Variants in BNC2 observed in about 807,000 individuals in gnomAD.
BNC2 encodes the protein zinc finger protein basonuclin-2.
BNC2 carries 20 observed loss-of-function variants against 76.3 expected under a neutral mutation model. The observed-to-expected ratio is 0.26, with a 90% CI of 0.18 to 0.38. BNC2 has a LOEUF of 0.38. Among genes scored for constraint, BNC2 ranks in the 10% least tolerant of loss-of-function variants. The pLI, the probability that BNC2 is intolerant of heterozygous loss-of-function variation, is 1.00. For synonymous variants in BNC2, 582 were observed against 514.8 expected, an observed-to-expected ratio of 1.13 and a Z score of -1.77; for missense variants, 1,382 against 1,399.8, an observed-to-expected ratio of 0.99 and a Z score of 0.20.
chr9:16,787,840 C>A (rs571518407), intron 1 of BNC2, among the ~76,000 whole-genome samples: 45 of 152,276 alleles, frequency 3.0e-4, no homozygotes, highest in Admixed American at 9.2e-4. Context: ...CATGAGCCAA[C>A]GCGCCCTGCC....
intron 3 of BNC2, among the ~76,000 whole-genome samples, chr9:16,586,316 T>G (rs1347869872): frequency 1.3e-5 from 2 of 152,142 alleles, no homozygotes; most frequent in East Asian, 3.9e-4. Context: ...TAATTATTCC[T>G]TCTGCTTACC....
At chr9:16,777,477 G>A (rs1269473106) in intron 1 of BNC2, among the ~76,000 whole-genome samples, 1 of 152,120 alleles carries the variant, frequency 6.6e-6, no homozygotes, top group African/African-American at 2.4e-5. Flanking sequence ...GAGGCAGGCA[G>A]ATCACGAGGT....
chr9:16,629,981 T>A (rs866090049), intron 3 of BNC2, among the ~76,000 whole-genome samples: 2 of 152,216 alleles, frequency 1.3e-5, no homozygotes, highest in Non-Finnish European at 2.9e-5. Flanking sequence ...CTCTGTAGCA[T>A]TGATGCTTTG....
chr9:16,694,791 C>G (rs558713447), intron 3 of BNC2, among the ~76,000 whole-genome samples: 1 of 152,240 alleles, frequency 6.6e-6, no homozygotes, highest in South Asian at 2.1e-4. Context: ...ACACAATCCC[C>G]CCTCCAAGCC....
At chr9:16,859,216 G>A (rs1417367533) in intron 1 of BNC2, among the ~76,000 whole-genome samples, 1 of 152,004 alleles carries the variant, frequency 6.6e-6, no homozygotes, top group Admixed American at 6.6e-5. Context: ...AAGCTGTGAG[G>A]TTGTAGAGAA....
rs1820560340 is a variant in BNC2 at position 16,415,239 on chromosome 9, T to G, written c.*3750A>C. The G allele has an allele frequency of 6.6e-6, 1 of 152,584 alleles. No individual in the cohort carries two copies. Among genetic ancestry groups the G allele is most frequent in the African/African-American group, 2.4e-5 (1 of 41,472 alleles). 9.5% of individuals were successfully genotyped at this position (152,584 alleles called of 1,614,324 possible). On this transcript the variant is annotated 3_prime_UTR_variant, in exon 7 of 7. Coordinates refer to ENST00000380672, the MANE Select transcript of BNC2 (RefSeq NM_017637.6). ...AGAATGCCAAGGATTTTTATCACAC[T>G]TTTAAACCAAATTCCTCATTATCTA...
intron 1 of BNC2, among the ~76,000 whole-genome samples, chr9:16,761,159 G>T (rs1161306644): frequency 6.6e-6 from 1 of 152,054 alleles, no homozygotes; most frequent in Non-Finnish European, 1.5e-5. Context: ...AAGGCAGGAA[G>T]CTCACTTGAG....
At chr9:16,668,105 G>A (rs554420084) in intron 3 of BNC2, among the ~76,000 whole-genome samples, 7 of 152,288 alleles carry the variant, frequency 4.6e-5, no homozygotes, top group Non-Finnish European at 8.8e-5. Flanking sequence ...CACATTTAGC[G>A]AAGCTCCCAT....
At chr9:16,798,439 A>T (rs948633628) in intron 1 of BNC2, among the ~76,000 whole-genome samples, 2 of 152,224 alleles carry the variant, frequency 1.3e-5, no homozygotes, top group Admixed American at 1.3e-4. Context: ...ACCCTAAAGG[A>T]AAATATTATT....
intron 5 of BNC2, among the ~76,000 whole-genome samples, chr9:16,440,358 C>G (rs1435564329): frequency 6.6e-6 from 1 of 152,164 alleles, no homozygotes; most frequent in Non-Finnish European, 1.5e-5. Context: ...CTGAGGAAGT[C>G]TTTCTCTAGA....
At chr9:16,599,816 C>T (rs1820195941) in intron 3 of BNC2, among the ~76,000 whole-genome samples, 1 of 152,172 alleles carries the variant, frequency 6.6e-6, no homozygotes, top group South Asian at 2.1e-4. Context: ...ATGCTTAATA[C>T]TTTCATACAT....
intron 5 of BNC2, among the ~76,000 whole-genome samples, chr9:16,498,099 ATATATTCTATCATATG>A (rs1822433314): frequency 6.8e-6 from 1 of 147,170 alleles, no homozygotes; most frequent in Non-Finnish European, 1.5e-5. Flanking sequence ...TCCATCATAT[ATATATTCTATCATATG>A]TATATATTCT....
chr9:16,424,340 C>A (rs1343637363), intron 6 of BNC2, among the ~76,000 whole-genome samples: 1 of 151,076 alleles, frequency 6.6e-6, no homozygotes, highest in African/African-American at 2.4e-5. Context: ...AATAATGAAC[C>A]AAGCTATAGG....
chr9:16,708,395 A>AT (rs1342474613), intron 3 of BNC2, among the ~76,000 whole-genome samples: 1 of 152,206 alleles, frequency 6.6e-6, no homozygotes, highest in African/African-American at 2.4e-5. Context: ...GCATACGTTA[A>AT]TTTATTCTGC....
At chr9:16,712,450 A>G (rs749139737) in intron 3 of BNC2, among the ~76,000 whole-genome samples, 30 of 152,248 alleles carry the variant, frequency 2.0e-4, no homozygotes, top group Non-Finnish European at 1.9e-4. Context: ...AATTCATAAC[A>G]TCTTAGAGTA....
intron 3 of BNC2, among the ~76,000 whole-genome samples, chr9:16,631,502 G>T (rs1197631138): frequency 6.6e-6 from 1 of 152,108 alleles, no homozygotes; most frequent in African/African-American, 2.4e-5. Flanking sequence ...AAATAACTAG[G>T]TTAATAACCA....
chr9:16,581,072 G>A, intron 4 of BNC2, among the ~76,000 whole-genome samples: 1 of 152,168 alleles, frequency 6.6e-6, no homozygotes, highest in African/African-American at 2.4e-5. Context: ...GAGAAAAAAA[G>A]GATATTTGGG....
At chr9:16,722,560 G>C (rs554282582) in intron 3 of BNC2, among the ~76,000 whole-genome samples, 27 of 152,236 alleles carry the variant, frequency 1.8e-4, no homozygotes, top group Admixed American at 3.3e-4. Context: ...CTTAGCAAAA[G>C]GCTTTACAAA....
At chr9:16,566,455 G>A (rs1048448745) in intron 4 of BNC2, among the ~76,000 whole-genome samples, 2 of 152,120 alleles carry the variant, frequency 1.3e-5, no homozygotes, top group Non-Finnish European at 2.9e-5. Context: ...GGTAATTAAG[G>A]CAATTTGGAG....
Sources: allele counts gnomAD v4.1 joint callset (sites outside exome capture counted in the v4.1 genomes callset), GRCh38; gene constraint gnomAD v4.1.1; transcripts MANE v1.5; gene names NCBI Gene and HGNC (gene_info 2026-07-23, HGNC 2026-07-21).